Variants in PCDH15 observed in about 807,000 individuals in gnomAD.
PCDH15 encodes protocadherin related 15, also known as protocadherin-15.
PCDH15 carries 129 observed loss-of-function variants against 178.5 expected under a neutral mutation model. The observed-to-expected ratio is 0.72, with a 90% CI of 0.63 to 0.84. PCDH15 has a LOEUF of 0.84. Among genes scored for constraint, PCDH15 ranks in the 40% least tolerant of loss-of-function variants. The probability of loss-of-function intolerance (pLI) is 0.00; values close to 1 mark genes in which losing one functional copy is unlikely to be tolerated. For missense variants in PCDH15, 2,230 were observed against 2,099.9 expected (o/e 1.06, Z -1.21); for synonymous variants, 800 against 732.0 (o/e 1.09, Z -1.50).
chr10:54,927,043 T>G (rs550022856), intron 2 of PCDH15, among the ~76,000 whole-genome samples: 1 of 152,198 alleles, frequency 6.6e-6, no homozygotes, highest in African/African-American at 2.4e-5. Context: ...GTAGTTAAAA[T>G]GAGATCTTTC....
chr10:54,733,790 A>G (rs1943713964), intron 1 of PCDH15, among the ~76,000 whole-genome samples: 1 of 151,550 alleles, frequency 6.6e-6, no homozygotes, highest in Admixed American at 6.6e-5. Context: ...TATAAATAGA[A>G]CCACACAAAT....
rs2078709998 is a variant in PCDH15 at position 54,481,436 on chromosome 10, CTT to C, written c.157+46374_157+46375del. On this transcript the variant is annotated intron_variant, in intron 3 of 37. Coordinates refer to ENST00000644397, the MANE Select transcript of PCDH15 (RefSeq NM_001384140.1). Reference sequence around the variant, plus strand: ...GTGTGTGTGTGTTTGTGTACATACTCTTGTCAAATTCTAATTAACAAAAATGT... The same window carrying C: ...GTGTGTGTGTGTTTGTGTACATACTCGTCAAATTCTAATTAACAAAAATGT... Among the ~76,000 whole-genome samples, 3 of 151,654 alleles carry C rather than the reference CTT, an allele frequency of 2.0e-5. No individual in the cohort carries two copies. The South Asian group carries it at 6.2e-4, about 31-fold the overall frequency.
intron 2 of PCDH15, among the ~76,000 whole-genome samples, chr10:54,652,121 C>T (rs1293317507): frequency 2.0e-5 from 3 of 152,172 alleles, no homozygotes; most frequent in South Asian, 2.1e-4. Context: ...CCTTGTACTG[C>T]CCCATTTATC....
intron 2 of PCDH15, among the ~76,000 whole-genome samples, chr10:55,518,313 A>G (rs1184786118): frequency 6.6e-6 from 1 of 152,066 alleles, no homozygotes; most frequent in Non-Finnish European, 1.5e-5. Context: ...TATCCTTGCT[A>G]CTTTAACTCA....
At chr10:54,819,857 C>G (rs932402077) in intron 3 of PCDH15, among the ~76,000 whole-genome samples, 1 of 151,992 alleles carries the variant, frequency 6.6e-6, no homozygotes, top group African/African-American at 2.4e-5. Context: ...TTACTTCCTT[C>G]TCTGTGAAGA....
chr10:55,082,068 C>G (rs2132026554), intron 2 of PCDH15, among the ~76,000 whole-genome samples: 1 of 152,222 alleles, frequency 6.6e-6, no homozygotes, highest in South Asian at 2.1e-4. Context: ...GCGCTATAGA[C>G]CAAATGGACC....
intron 2 of PCDH15, among the ~76,000 whole-genome samples, chr10:55,623,684 G>A (rs1172371576): frequency 6.6e-6 from 1 of 150,728 alleles, no homozygotes; most frequent in Non-Finnish European, 1.5e-5. Flanking sequence ...GAGCACAGAG[G>A]ATGAAGAGAG....
At chr10:54,112,809 C>A (rs527755287) in intron 15 of PCDH15, among the ~76,000 whole-genome samples, 8 of 152,208 alleles carry the variant, frequency 5.3e-5, no homozygotes, top group African/African-American at 1.4e-4. Context: ...TCTAAACTCA[C>A]AATAATCTTG....
At chr10:55,478,980 G>A (rs1840117943) in intron 2 of PCDH15, among the ~76,000 whole-genome samples, 1 of 148,674 alleles carries the variant, frequency 6.7e-6, no homozygotes, top group South Asian at 2.1e-4. Context: ...TGATTAATGA[G>A]ATTAAATCAG....
chr10:54,696,737 C>T (rs959022157), intron 1 of PCDH15, among the ~76,000 whole-genome samples: 1 of 151,716 alleles, frequency 6.6e-6, no homozygotes, highest in African/African-American at 2.4e-5. Flanking sequence ...ATTTCTACTT[C>T]GAGCTTTATT....
chr10:54,110,651 C>A (rs575768728), intron 15 of PCDH15, among the ~76,000 whole-genome samples: 25 of 152,250 alleles, frequency 1.6e-4, no homozygotes, highest in Admixed American at 1.4e-3. Flanking sequence ...CAGTCCACTT[C>A]TATTGCTAGA....
chr10:54,700,741 C>T (rs1452539911), intron 1 of PCDH15, among the ~76,000 whole-genome samples: 1 of 151,990 alleles, frequency 6.6e-6, no homozygotes, highest in African/African-American at 2.4e-5. Flanking sequence ...GGCTCCTTGG[C>T]ATCCCTATAG....
At chr10:54,325,511 G>A (rs903372886) in intron 7 of PCDH15, among the ~76,000 whole-genome samples, 9 of 152,088 alleles carry the variant, frequency 5.9e-5, no homozygotes, top group Non-Finnish European at 1.3e-4. Flanking sequence ...CACTTTGGGA[G>A]GCTGAGGTGA....
chr10:54,793,986 C>A (rs1421959847), intron 1 of PCDH15, among the ~76,000 whole-genome samples: 1 of 147,168 alleles, frequency 6.8e-6, no homozygotes, highest in African/African-American at 2.5e-5. Flanking sequence ...TTTCATTATA[C>A]TCACAATTTA....
At chr10:55,417,560 G>T (rs540575076) in intron 2 of PCDH15, among the ~76,000 whole-genome samples, 5 of 151,734 alleles carry the variant, frequency 3.3e-5, no homozygotes, top group African/African-American at 1.2e-4. Context: ...TATTTTAGCA[G>T]CCATAGTAGG....
intron 8 of PCDH15, among the ~76,000 whole-genome samples, chr10:54,258,338 G>A (rs1168977085): frequency 1.3e-5 from 2 of 152,110 alleles, no homozygotes; most frequent in Non-Finnish European, 2.9e-5. Context: ...AATTCAAGAG[G>A]AAATAACAGA....
intron 7 of PCDH15, among the ~76,000 whole-genome samples, chr10:54,324,185 T>G (rs959156285): frequency 6.6e-6 from 1 of 152,134 alleles, no homozygotes; most frequent in African/African-American, 2.4e-5. Flanking sequence ...AGGTTATTTC[T>G]GAAAAGTTGT....
At chr10:55,254,610 C>A (rs112117642) in intron 1 of PCDH15, among the ~76,000 whole-genome samples, 3,100 of 152,250 alleles carry the variant, frequency 0.02, 42 homozygotes, top group Middle Eastern at 0.041. Flanking sequence ...TTGCCTTTCT[C>A]AAGGAACCTA....
intron 6 of PCDH15, among the ~76,000 whole-genome samples, chr10:54,336,447 C>T (rs556364109): frequency 6.6e-6 from 1 of 152,276 alleles, no homozygotes; most frequent in Non-Finnish European, 1.5e-5. Context: ...CTGGACCCCC[C>T]TTTCCGTGTG....
Sources: gnomAD v4.1 joint callset for allele counts (sites outside exome capture counted in the v4.1 genomes callset) on GRCh38, gnomAD v4.1.1 for gene constraint, MANE v1.5 for transcripts, NCBI Gene and HGNC (gene_info 2026-07-23, HGNC 2026-07-21) for gene names.